The following ASTN2 variants were observed in gnomAD, a reference collection of about 807,000 sequenced individuals.
ASTN2 encodes astrotactin-2.
Under a neutral mutation model 139.8 loss-of-function variants are expected in ASTN2, and 54 were observed. The observed-to-expected ratio is 0.39, with a 90% CI of 0.31 to 0.48. The LOEUF is 0.48. Ranked by LOEUF, ASTN2 falls within the 20% of genes least tolerant of loss-of-function variation. The pLI, the probability that ASTN2 is intolerant of heterozygous loss-of-function variation, is 0.95. For synonymous variants in ASTN2, 756 were observed against 719.5 expected, an observed-to-expected ratio of 1.05 and a Z score of -0.81; for missense variants, 1,565 against 1,725.1, an observed-to-expected ratio of 0.91 and a Z score of 1.64.
intron 1 of ASTN2, among the ~76,000 whole-genome samples, chr9:117,324,228 C>G (rs892090208): frequency 3.9e-5 from 6 of 152,068 alleles, no homozygotes; most frequent in African/African-American, 1.4e-4. Context: ...CAAAAGTGTT[C>G]CAGCCAAGGT....
chr9:116,917,309 G>A (rs1358155808), intron 10 of ASTN2, among the ~76,000 whole-genome samples: 1 of 152,074 alleles, frequency 6.6e-6, no homozygotes, highest in Non-Finnish European at 1.5e-5. Context: ...TTAATAATTG[G>A]TGAGTTTTTG....
At chr9:116,572,545 A>G (rs752452333) in intron 19 of ASTN2, among the ~76,000 whole-genome samples, 8 of 149,282 alleles carry the variant, frequency 5.4e-5, no homozygotes, top group Admixed American at 4.0e-4. Context: ...GATACTGAGT[A>G]TTCGGCAGAT....
chr9:116,754,258 C>T (rs1042727714), intron 13 of ASTN2, among the ~76,000 whole-genome samples: 5 of 152,068 alleles, frequency 3.3e-5, no homozygotes, highest in Non-Finnish European at 7.4e-5. Context: ...GTGAATAGTG[C>T]CGCCATAAAC....
chr9:117,306,969 G>T (rs563850470), intron 1 of ASTN2, among the ~76,000 whole-genome samples: 1 of 152,304 alleles, frequency 6.6e-6, no homozygotes, highest in African/African-American at 2.4e-5. Flanking sequence ...GAATCAGGCT[G>T]TTTACTGGCA....
intron 4 of ASTN2, among the ~76,000 whole-genome samples, chr9:117,129,806 C>T (rs1329833299): frequency 6.6e-6 from 1 of 151,972 alleles, no homozygotes; most frequent in Non-Finnish European, 1.5e-5. Context: ...ATTAATAATA[C>T]TCTCTATTCC....
intron 22 of ASTN2, chr9:116,437,126 G>A: frequency 3.0e-6 from 1 of 338,642 alleles, no homozygotes; most frequent in African/African-American, 2.1e-5. Context: ...GTTAGTGGGT[G>A]CAGCGCACCA....
intron 6 of ASTN2, among the ~76,000 whole-genome samples, chr9:117,037,416 T>G (rs759146676): frequency 1.3e-5 from 2 of 152,152 alleles, no homozygotes; most frequent in Non-Finnish European, 2.9e-5. Flanking sequence ...AAAGTAGGTG[T>G]TGTAGTCTTC....
At chr9:116,634,538 C>A (rs964207474) in intron 17 of ASTN2, among the ~76,000 whole-genome samples, 1 of 140,924 alleles carries the variant, frequency 7.1e-6, no homozygotes, top group Admixed American at 7.7e-5. Flanking sequence ...TGCAGTGAGC[C>A]GAGATCGCGC....
chr9:116,929,208 T>C (rs1436771495), intron 10 of ASTN2, among the ~76,000 whole-genome samples: 1 of 152,150 alleles, frequency 6.6e-6, no homozygotes, highest in African/African-American at 2.4e-5. Context: ...ACACAGACAC[T>C]GTAAAAGCAT....
intron 1 of ASTN2, among the ~76,000 whole-genome samples, chr9:117,388,491 C>A (rs1387181983): frequency 6.6e-6 from 1 of 152,210 alleles, no homozygotes; most frequent in African/African-American, 2.4e-5. Context: ...CTGGTTATTG[C>A]TCCCAAGATC....
intron 19 of ASTN2, among the ~76,000 whole-genome samples, chr9:116,565,420 TATATATA>T (rs1853173644): frequency 3.2e-5 from 4 of 124,410 alleles, no homozygotes; most frequent in Non-Finnish European, 5.0e-5. Context: ...TATATATATA[TATATATA>T]TATTTATTTA....
At chr9:117,257,284 C>T (rs191194878) in intron 2 of ASTN2, among the ~76,000 whole-genome samples, 1 of 152,284 alleles carries the variant, frequency 6.6e-6, no homozygotes, top group African/African-American at 2.4e-5. Context: ...TTCGGGGCTG[C>T]ATGAAAGCTA....
At chr9:117,159,033 T>C (rs1207924967) in intron 3 of ASTN2, among the ~76,000 whole-genome samples, 1 of 151,964 alleles carries the variant, frequency 6.6e-6, no homozygotes, top group Non-Finnish European at 1.5e-5. Context: ...GCTAATTGTC[T>C]CCACTGGTGT....
chr9:117,109,080 T>C (rs1371998129), intron 4 of ASTN2, among the ~76,000 whole-genome samples: 1 of 151,628 alleles, frequency 6.6e-6, no homozygotes, highest in Non-Finnish European at 1.5e-5. Flanking sequence ...AGGCCAGGAG[T>C]TTGCAGCCTG....
chr9:116,907,732 G>C (rs1834200799), intron 10 of ASTN2, among the ~76,000 whole-genome samples: 2 of 152,214 alleles, frequency 1.3e-5, no homozygotes. Context: ...ACAAAATGTG[G>C]TGGAGGTGGT....
chr9:117,376,047 T>C (rs1254113535), intron 1 of ASTN2, among the ~76,000 whole-genome samples: 1 of 152,194 alleles, frequency 6.6e-6, no homozygotes, highest in African/African-American at 2.4e-5. Flanking sequence ...TCCAGTATAA[T>C]CTTTTCATCC....
intron 1 of ASTN2, among the ~76,000 whole-genome samples, chr9:117,407,572 T>C (rs1483025057): frequency 6.6e-6 from 1 of 152,220 alleles, no homozygotes; most frequent in Non-Finnish European, 1.5e-5. Flanking sequence ...CATATTCCAG[T>C]ATGCTAGTAA....
chr9:116,881,211 AGG>A (rs1454910557), intron 10 of ASTN2, among the ~76,000 whole-genome samples: 1 of 152,210 alleles, frequency 6.6e-6, no homozygotes, highest in Admixed American at 6.5e-5. Flanking sequence ...GTGGGAGAAA[AGG>A]GAGCTCACCA....
At chr9:116,666,920 T>C (rs1388450120) in intron 16 of ASTN2, among the ~76,000 whole-genome samples, 1 of 150,308 alleles carries the variant, frequency 6.7e-6, no homozygotes, top group African/African-American at 2.4e-5. Context: ...TTTTGATCCA[T>C]ATTATTTATT....
Sources: gnomAD v4.1 joint callset for allele counts (sites outside exome capture counted in the v4.1 genomes callset) on GRCh38, gnomAD v4.1.1 for gene constraint, MANE v1.5 for transcripts, NCBI Gene and HGNC (gene_info 2026-07-23, HGNC 2026-07-21) for gene names.